The following SLC7A1 variants were observed in gnomAD, a reference collection of about 807,000 sequenced individuals.
SLC7A1 encodes the protein solute carrier family 7 member 1.
Under a neutral mutation model 53.9 loss-of-function variants are expected in SLC7A1, and 10 were observed. The ratio of observed to expected loss-of-function variants is 0.19; its 90% CI spans 0.11 to 0.31. The LOEUF is 0.31. Among genes scored for constraint, SLC7A1 ranks in the 10% least tolerant of loss-of-function variants. The pLI, the probability that SLC7A1 is intolerant of heterozygous loss-of-function variation, is 1.00. For missense variants in SLC7A1, 525 were observed against 827.2 expected (o/e 0.63, Z 4.48); for synonymous variants, 342 against 338.7 (o/e 1.01, Z -0.11).
intron 1 of SLC7A1, among the ~76,000 whole-genome samples, chr13:29,580,360 A>G (rs2139181380): frequency 6.6e-6 from 1 of 152,186 alleles, no homozygotes; most frequent in Admixed American, 6.5e-5. Flanking sequence ...AGAGTCCAGG[A>G]TTCCTACACC....
At chr13:29,517,412 T>C (rs1032163967) in intron 10 of SLC7A1, 102 bp from the exon 11 acceptor site, 6 of 1,331,316 alleles carry the variant, frequency 4.5e-6, no homozygotes, top group African/African-American at 4.4e-5. Context: ...AGAGGCTCCA[T>C]TTCCGAAGGC....
intron 2 of SLC7A1, among the ~76,000 whole-genome samples, chr13:29,548,112 G>A (rs1468569114): frequency 6.6e-6 from 1 of 152,210 alleles, no homozygotes; most frequent in Admixed American, 6.5e-5. Context: ...AACTCTCCCG[G>A]TGGTGTCCTG....
At chr13:29,532,196 C>A (rs1257285345) in intron 4 of SLC7A1, among the ~76,000 whole-genome samples, 1 of 152,198 alleles carries the variant, frequency 6.6e-6, no homozygotes, top group East Asian at 1.9e-4. Flanking sequence ...GTTTATGGAG[C>A]CCCACAGAGC....
intron 1 of SLC7A1, among the ~76,000 whole-genome samples, chr13:29,556,362 A>C (rs1870440556): frequency 6.6e-6 from 1 of 151,930 alleles, no homozygotes; most frequent in Non-Finnish European, 1.5e-5. Context: ...CATTTATTTC[A>C]AGTTGTTCTA....
At chr13:29,572,369 G>A (rs553747180) in intron 1 of SLC7A1, among the ~76,000 whole-genome samples, 1 of 152,328 alleles carries the variant, frequency 6.6e-6, no homozygotes, top group South Asian at 2.1e-4. Context: ...CACCTAAAGG[G>A]GCAGGTGCCA....
At chr13:29,566,549 A>G (rs1375081382) in intron 1 of SLC7A1, among the ~76,000 whole-genome samples, 1 of 152,198 alleles carries the variant, frequency 6.6e-6, no homozygotes, top group Non-Finnish European at 1.5e-5. Context: ...GTGTCATGCC[A>G]CTTATATGAA....
intron 1 of SLC7A1, among the ~76,000 whole-genome samples, chr13:29,560,661 C>T (rs978111492): frequency 6.6e-6 from 1 of 152,114 alleles, no homozygotes; most frequent in African/African-American, 2.4e-5. Flanking sequence ...ACCAAAAACA[C>T]ATGAGTAACG....
chr13:29,515,486 G>A lies in SLC7A1; in HGVS notation c.1786+652C>T, dbSNP rs967335955. The stretch of plus-strand genomic sequence containing the variant: ...GAGATGAGGCAGCAGCCATCTGCCC[G>A]TAGCATGCAAACTCAGGGCTGCGAG... On this transcript the variant is annotated intron_variant, in intron 12 of 12. Transcript: ENST00000380752. Among the ~76,000 whole-genome samples the A allele has an allele frequency of 3.3e-5, 5 of 152,228 alleles. No individual in the cohort carries two copies. In the East Asian group the frequency reaches 5.8e-4, roughly 18 times the overall value.
intron 1 of SLC7A1, among the ~76,000 whole-genome samples, chr13:29,562,616 G>A (rs1870808626): frequency 6.6e-6 from 1 of 152,118 alleles, no homozygotes. Flanking sequence ...ACTGAACCTG[G>A]CCAACTAACA....
Position 29,583,187 on chromosome 13 carries a change from G to A in SLC7A1, c.-115+12229C>T, listed in dbSNP as rs1029376519. Among the ~76,000 whole-genome samples, 8 of 152,188 alleles carry A rather than the reference G, an allele frequency of 5.3e-5. No individual in the cohort carries two copies. The East Asian group carries it at 7.7e-4, about 15-fold the overall frequency. On this transcript the variant is annotated intron_variant, in intron 1 of 12. Coordinates refer to ENST00000380752, the MANE Select transcript of SLC7A1 (RefSeq NM_003045.5). ...CAGAACTGTAAAGGAGCCCACACCC[G>A]TGCCCGCATGCACAGTAAAAGTGTG... is the stretch of plus-strand genomic sequence containing the variant.
rs977237132 is a variant in SLC7A1, at chr13:29,514,296, C to G, written c.*184G>C. ...CAGCTGTCTGGAGGTGACCAGGGCC[C>G]GGAGAACCGGCTGCAGAGCCGAGGG... On this transcript the variant is annotated 3_prime_UTR_variant, in exon 13 of 13. Coordinates refer to ENST00000380752, the MANE Select transcript of SLC7A1 (RefSeq NM_003045.5). The G allele has an allele frequency of 8.4e-6, 5 of 594,092 alleles. No individual in the cohort carries two copies. In the East Asian group the frequency reaches 1.1e-4, roughly 13 times the overall value. The allele number at this position is 594,092 out of a possible 1,614,324, so 36.8% of individuals were successfully genotyped here. A position where few individuals can be genotyped will look rare whatever the true frequency, so the allele number is the denominator to read the frequency against.
At chr13:29,593,834 A>C (rs1229176435) in intron 1 of SLC7A1, among the ~76,000 whole-genome samples, 1 of 152,142 alleles carries the variant, frequency 6.6e-6, no homozygotes, top group Non-Finnish European at 1.5e-5. Flanking sequence ...AGACCCAGAC[A>C]AGGGAGTACA....
intron 2 of SLC7A1, among the ~76,000 whole-genome samples, chr13:29,538,256 A>C (rs188073928): frequency 6.6e-6 from 1 of 151,994 alleles, no homozygotes; most frequent in African/African-American, 2.4e-5. Flanking sequence ...GTAGGAAGGA[A>C]ATGATATCAT....
At chr13:29,529,156 C>T (rs1160078492) in intron 5 of SLC7A1, among the ~76,000 whole-genome samples, 1 of 152,172 alleles carries the variant, frequency 6.6e-6, no homozygotes, top group Non-Finnish European at 1.5e-5. Flanking sequence ...TATTCAAAGG[C>T]CTCAGTTCTC....
At chr13:29,592,679 C>A (rs1872158685) in intron 1 of SLC7A1, among the ~76,000 whole-genome samples, 1 of 152,116 alleles carries the variant, frequency 6.6e-6, no homozygotes, top group Non-Finnish European at 1.5e-5. Flanking sequence ...GAAAGGGAGG[C>A]CACTAAAGTT....
intron 3 of SLC7A1, among the ~76,000 whole-genome samples, chr13:29,535,463 G>C (rs1474961509): frequency 2.0e-5 from 3 of 152,150 alleles, no homozygotes; most frequent in African/African-American, 7.2e-5. Context: ...GGGATCCCTA[G>C]TATCTAGCAC....
chr13:29,527,072 TAAAA>T (rs34724516), intron 5 of SLC7A1, among the ~76,000 whole-genome samples: 2 of 143,972 alleles, frequency 1.4e-5, no homozygotes, highest in Admixed American at 6.8e-5. Flanking sequence ...AGGGCCTGAT[TAAAA>T]AAAAAAAAAA....
At chr13:29,530,401 A>G in intron 5 of SLC7A1, 137 bp downstream of exon 5, 2 of 856,452 alleles carry the variant, frequency 2.3e-6, no homozygotes, top group Non-Finnish European at 1.8e-6. Flanking sequence ...CTTCACTGCA[A>G]AAACACAAAA....
intron 11 of SLC7A1, 40 bp downstream of exon 11, chr13:29,517,104 T>G: frequency 6.5e-7 from 1 of 1,529,330 alleles, no homozygotes; most frequent in South Asian, 1.3e-5. Context: ...AGGGCCAGGG[T>G]CTGTGTACCA....
Sources: gnomAD v4.1 joint callset for allele counts (sites outside exome capture counted in the v4.1 genomes callset) on GRCh38, gnomAD v4.1.1 for gene constraint, MANE v1.5 for transcripts, NCBI Gene and HGNC (gene_info 2026-07-23, HGNC 2026-07-21) for gene names.